The following MYPN variants were observed in gnomAD, a reference collection of about 807,000 sequenced individuals.
The protein encoded by MYPN is sarcomeric protein myopalladin, 145 kDa (MYOP).
A neutral mutation model predicts 129.4 loss-of-function variants in MYPN; 63 were observed. That is an observed-to-expected ratio of 0.49 (90% CI 0.40 to 0.60). The LOEUF is 0.60. MYPN is among the 20% of genes least tolerant of loss of function. The probability of loss-of-function intolerance (pLI) is 0.00; values close to 1 mark genes in which losing one functional copy is unlikely to be tolerated. For missense variants in MYPN, 1,596 were observed against 1,635.4 expected (o/e 0.98, Z 0.42); for synonymous variants, 629 against 600.9 (o/e 1.05, Z -0.68).
intron 1 of MYPN, among the ~76,000 whole-genome samples, chr10:68,097,349 T>C (rs116044166): frequency 0.094 from 14,324 of 152,256 alleles, 796 homozygotes; most frequent in Middle Eastern, 0.17. Context: ...GAACTGCTGC[T>C]GTGTCTGACT....
upstream of MYPN, among the ~76,000 whole-genome samples, chr10:68,104,641 C>T (rs183779270): frequency 2.4e-3 from 359 of 152,136 alleles, 1 homozygote; most frequent in Non-Finnish European, 3.9e-3. Context: ...TTTTTTCTTT[C>T]TAAATTATCA....
Position 68,210,877 on chromosome 10 carries a change from AAGGCGGAC to A in MYPN, c.*426_*433del, listed in dbSNP as rs1417546216. 1 of 456,048 alleles carries A rather than the reference AAGGCGGAC, an allele frequency of 2.2e-6. No homozygotes were observed. The highest frequency in any genetic ancestry group is 6.9e-5 in the East Asian group (1 of 14,432). The allele number at this position is 456,048 out of a possible 1,614,324, so 28.3% of individuals were successfully genotyped here. A position where few individuals can be genotyped will look rare whatever the true frequency, so the allele number is the denominator to read the frequency against. ...AACTCACCAAACAATGCCAAGGAGA[AAGGCGGAC>A]AGGTCACCATCACCTTTCATCGATT... is the stretch of plus-strand genomic sequence containing the variant. On this transcript the variant is annotated 3_prime_UTR_variant, in exon 20 of 20. Coordinates refer to ENST00000358913, the MANE Select transcript of MYPN (RefSeq NM_032578.4).
chr10:68,107,880 G>T (rs960800454), upstream of MYPN, among the ~76,000 whole-genome samples: 1 of 152,072 alleles, frequency 6.6e-6, no homozygotes, highest in Non-Finnish European at 1.5e-5. Context: ...GCCTTTACTA[G>T]CCACCTGAAA....
rs1225121506 is a variant in MYPN at position 68,211,327 on chromosome 10, A to C, written c.*872A>C. On this transcript the variant is annotated 3_prime_UTR_variant, in exon 20 of 20. Transcript: ENST00000358913. Reference sequence around the variant, plus strand: ...GAGTCATCATTTGCCCATAAAATACACCTCATGGGCTCCTACCCCTTTCCC... The same window carrying C: ...GAGTCATCATTTGCCCATAAAATACCCCTCATGGGCTCCTACCCCTTTCCC... 5 of 454,030 alleles carry C rather than the reference A, an allele frequency of 1.1e-5. No individual in the cohort carries two copies. The highest frequency in any genetic ancestry group is 7.8e-5 in the South Asian group (5 of 64,466). The allele number at this position is 454,030 out of a possible 1,614,324, so 28.1% of individuals were successfully genotyped here. A position where few individuals can be genotyped will look rare whatever the true frequency, so the allele number is the denominator to read the frequency against.
intron 19 of MYPN, among the ~76,000 whole-genome samples, chr10:68,207,622 TC>T (rs2043838061): frequency 2.6e-5 from 4 of 152,026 alleles, no homozygotes; most frequent in Admixed American, 2.6e-4. Flanking sequence ...GTTGCTCCAA[TC>T]CCCCAGACTT....
chr10:68,095,787 T>C (rs1301107281), intron 1 of MYPN, among the ~76,000 whole-genome samples: 1 of 152,020 alleles, frequency 6.6e-6, no homozygotes, highest in Non-Finnish European at 1.5e-5. Flanking sequence ...TATTGTTTAA[T>C]GGATACAGAG....
intron 3 of MYPN, among the ~76,000 whole-genome samples, chr10:68,144,516 C>T (rs1427210079): frequency 6.6e-6 from 1 of 152,008 alleles, no homozygotes; most frequent in Non-Finnish European, 1.5e-5. Flanking sequence ...TGTTTTTATC[C>T]TCACATTTTT....
chr10:68,094,101 G>C (rs2133937213), intron 1 of MYPN, among the ~76,000 whole-genome samples: 1 of 152,126 alleles, frequency 6.6e-6, no homozygotes, highest in East Asian at 1.9e-4. Flanking sequence ...GGATTTGGTG[G>C]ATTTTGGCTG....
At chr10:68,100,994 C>T (rs531866818) in intron 1 of MYPN, among the ~76,000 whole-genome samples, 1 of 152,238 alleles carries the variant, frequency 6.6e-6, no homozygotes, top group South Asian at 2.1e-4. Flanking sequence ...GATAAGTTTT[C>T]AGTAAATACA....
At position 68,121,990 on chromosome 10, in the gene MYPN, A is replaced by G. The variant is rs2042250328; in HGVS notation, c.552A>G (p.Lys184=). The G allele has an allele frequency of 6.2e-7, 1 of 1,614,196 alleles. No individual in the cohort carries two copies. The highest frequency in any genetic ancestry group is 2.2e-5 in the East Asian group (1 of 44,882). ...RPRACKNHKS[K]LESQNKVMQE... ...GTGCCTGCAAAAACCACAAGAGTAAACTGGAATCTCAAAACAAAGTTATGC... is the reference window on the plus strand; with the variant it reads ...GTGCCTGCAAAAACCACAAGAGTAAGCTGGAATCTCAAAACAAAGTTATGC... Residue 184 remains lysine (K), a synonymous_variant, in exon 2 of 20, where the codon AAA becomes AAG. Transcript: ENST00000358913.
intron 6 of MYPN, among the ~76,000 whole-genome samples, chr10:68,150,948 G>A (rs1422562562): frequency 1.3e-5 from 2 of 152,148 alleles, no homozygotes; most frequent in African/African-American, 2.4e-5. Context: ...TTGGTTTAGA[G>A]CAATGGTTCT....
chr10:68,184,723 A>T (rs2043393008), intron 12 of MYPN, among the ~76,000 whole-genome samples: 1 of 152,216 alleles, frequency 6.6e-6, no homozygotes, highest in Admixed American at 6.5e-5. Context: ...CTGGGGAAAC[A>T]GCTGCAGCCC....
Position 68,194,404 on chromosome 10 carries a change from T to C in MYPN, c.2967T>C (p.Asn989=), listed in dbSNP as rs751078168. Residue 989 remains asparagine (N), a synonymous_variant, in exon 14 of 20, where the codon AAT becomes AAC. Coordinates refer to ENST00000358913, the MANE Select transcript of MYPN (RefSeq NM_032578.4). ...ATGGGAAGCAGATTTCTAAGAGAAA[T>C]GAGCACTGCAAAATGAGGCGAGAAG... ...FKDGKQISKR[N]EHCKMRREGD... The C allele has an allele frequency of 1.9e-6, 3 of 1,613,842 alleles. No individual in the cohort carries two copies. Among genetic ancestry groups the C allele is most frequent in the Non-Finnish European group, 2.5e-6 (3 of 1,179,842 alleles).
At chr10:68,190,016 G>A (rs887219752) in intron 13 of MYPN, among the ~76,000 whole-genome samples, 5 of 150,422 alleles carry the variant, frequency 3.3e-5, no homozygotes, top group African/African-American at 4.9e-5. Flanking sequence ...CCCTTTCTCC[G>A]CATCCTCACC....
At chr10:68,193,282 T>A (rs1483163377) in intron 13 of MYPN, among the ~76,000 whole-genome samples, 2 of 152,042 alleles carry the variant, frequency 1.3e-5, no homozygotes, top group Non-Finnish European at 2.9e-5. Context: ...AAAAACCCCA[T>A]CAGGAATGAG....
At chr10:68,090,659 C>A (rs1017425142) in intron 1 of MYPN, among the ~76,000 whole-genome samples, 25 of 152,156 alleles carry the variant, frequency 1.6e-4, no homozygotes, top group African/African-American at 6.0e-4. Context: ...TCTTTATCTA[C>A]ATCTCCAGAC....
At chr10:68,185,047 G>A (rs958601236) in intron 12 of MYPN, among the ~76,000 whole-genome samples, 3 of 151,822 alleles carry the variant, frequency 2.0e-5, no homozygotes, top group Non-Finnish European at 4.4e-5. Flanking sequence ...GCTCAAGCCT[G>A]TAATCCCAAC....
At chr10:68,161,815 T>C in intron 8 of MYPN, 63 bp downstream of exon 8, 1 of 1,250,556 alleles carries the variant, frequency 8.0e-7, no homozygotes, top group South Asian at 1.3e-5. Flanking sequence ...CAAGAATACA[T>C]AATGAAGTTA....
At chr10:68,142,793 T>TA (rs2042597210) in intron 2 of MYPN, 147 bp from the exon 3 acceptor site, 1 of 800,460 alleles carries the variant, frequency 1.2e-6, no homozygotes. Context: ...TTCTCACTGT[T>TA]ACAAAAAAAT....
Sources: allele counts gnomAD v4.1 joint callset (sites outside exome capture counted in the v4.1 genomes callset), GRCh38; gene constraint gnomAD v4.1.1; transcripts MANE v1.5; gene names NCBI Gene and HGNC (gene_info 2026-07-23, HGNC 2026-07-21).